The following TTN variants were observed in gnomAD, a reference collection of about 807,000 sequenced individuals.
TTN encodes connectin.
In TTN, 1,525 loss-of-function variants were observed where a neutral mutation model predicts 3,223.0. The ratio of observed to expected loss-of-function variants is 0.47; its 90% confidence interval spans 0.45 to 0.49. The LOEUF is 0.49. Among genes scored for constraint, TTN ranks in the 20% least tolerant of loss-of-function variants. TTN has a pLI of 0.00. For missense variants in TTN, 40,786 were observed against 43,424.0 expected (o/e 0.94, Z 5.40); for synonymous variants, 14,094 against 15,161.0 (o/e 0.93, Z 5.17).
Position 178,651,285 on chromosome 2 carries a change from T to C in TTN, c.39583A>G (p.Lys13195Glu), listed in dbSNP as rs1241773878. The C allele has an allele frequency of 6.2e-7, 1 of 1,613,252 alleles. No homozygotes were observed. Among genetic ancestry groups the C allele is most frequent in the East Asian group, 2.2e-5 (1 of 44,846 alleles). ...TCTGGCTTTTTGGGAACAGCTACTT[T>C]CTTTTCTGGAACAACTTCTTTTGGA... ...EVPKEVVPEK[K>E]VAVPKKPEVP... Residue 13195 changes from lysine to glutamate, a missense_variant, in exon 208 of 363, where the codon AAA becomes GAA. Coordinates refer to ENST00000589042, the MANE Select transcript of TTN (RefSeq NM_001267550.2).
chr2:178,591,569 A>G, intron 303 of TTN, 30 bp downstream of exon 303: 1 of 1,594,362 alleles, frequency 6.3e-7, no homozygotes, highest in Non-Finnish European at 8.5e-7. Flanking sequence ...TTAAAAAGAA[A>G]TAAGGTAATA....
Position 178,534,387 on chromosome 2 carries a change from C to T in TTN, c.102228G>A (p.Lys34076=). Reference sequence around the variant, plus strand: ...TAACTTTAGTACTGACTCTTTCTATCTTCTGCTTCAACCATGGGTGCTGGA... The same window carrying T: ...TAACTTTAGTACTGACTCTTTCTATTTTCTGCTTCAACCATGGGTGCTGGA... The part of the protein sequence containing the change: ...EALQHPWLKQ[K]IERVSTKVIR... The change falls in exon 358 of 363, where the codon AAG becomes AAA. Residue 34076 remains lysine, a synonymous_variant. Transcript: ENST00000589042. 1.9e-6 allele frequency: 3 copies of T among 1,610,674 alleles called. No homozygotes were observed. Among genetic ancestry groups the T allele is most frequent in the South Asian group, 1.1e-5 (1 of 91,080 alleles).
chr2:178,782,236 C>T lies in TTN; in HGVS notation c.3356G>A (p.Gly1119Asp). The change falls in exon 20 of 363, where the codon GGT becomes GAT. Residue 1119 changes from glycine (G) to aspartate (D), a missense_variant. Transcript: ENST00000589042. Reference sequence around the variant, plus strand: ...CCTGTATCCAGTGGTTAGAGGAACACCAGATTTTTTCCAGTATACATGGGG... The same window carrying T: ...CCTGTATCCAGTGGTTAGAGGAACATCAGATTTTTTCCAGTATACATGGGG... ...PKPHVYWKKS[G>D]VPLTTGYRYK... is the part of the protein sequence containing the mutation. 1 of 1,614,068 alleles carries T rather than the reference C, an allele frequency of 6.2e-7. No individual in the cohort carries two copies. Among genetic ancestry groups the T allele is most frequent in the Non-Finnish European group, 8.5e-7 (1 of 1,179,996 alleles).
chr2:178,574,725 C>A lies in TTN; in HGVS notation c.71407G>T (p.Ala23803Ser), dbSNP rs772111329. ...TGLEYQFRVKAQNRYGVGPGI... is the reference protein window; with the variant it reads ...TGLEYQFRVKSQNRYGVGPGI... ...GGTCCAACTCCATATCTATTCTGAG[C>A]TTTTACACGGAACTGATACTCTAAT... Residue 23803 changes from alanine (A) to serine (S), a missense_variant, in exon 326 of 363, where the codon GCT becomes TCT. Coordinates refer to ENST00000589042, the MANE Select transcript of TTN (RefSeq NM_001267550.2). The A allele has an allele frequency of 1.2e-6, 2 of 1,613,094 alleles. No homozygotes were observed. The highest frequency in any genetic ancestry group is 2.2e-5 in the East Asian group (1 of 44,780).
rs776256093 is a variant in TTN at position 178,566,586 on chromosome 2, C to T, written c.79546G>A (p.Gly26516Ser). The change falls in exon 326 of 363, where the codon GGC (glycine) becomes AGC (serine). Residue 26516 changes from glycine to serine, a missense_variant. Coordinates refer to ENST00000589042, the MANE Select transcript of TTN (RefSeq NM_001267550.2). ...ACTACATATCCCAAGATCTCACTGC[C>T]GCCATCATAGATGGGTTTACCCCAG... is the stretch of plus-strand genomic sequence containing the variant. Reference protein sequence around the residue: ...LAWGKPIYDGGSEILGYVVEI... With the variant: ...LAWGKPIYDGSSEILGYVVEI... 2.7e-5 allele frequency: 43 copies of T among 1,612,576 alleles called. No individual in the cohort carries two copies. In the Admixed American group the frequency reaches 3.8e-4, roughly 14 times the overall value.
chr2:178,692,881 G>GTTTT (rs776204878), intron 119 of TTN, among the ~76,000 whole-genome samples: 6 of 146,328 alleles, frequency 4.1e-5, no homozygotes, highest in Admixed American at 1.4e-4. Context: ...TATGAAGTTA[G>GTTTT]TTTTTTTTTT....
Position 178,559,733 on chromosome 2 carries a change from T to G in TTN, c.86399A>C (p.Tyr28800Ser). 2 of 1,599,580 alleles carry G rather than the reference T, an allele frequency of 1.3e-6. No individual in the cohort carries two copies. The highest frequency in any genetic ancestry group is 1.1e-5 in the South Asian group (1 of 88,458). Reference protein sequence around the residue: ...KPDTDLRTRAYVDTTDSRTSL... With the variant: ...KPDTDLRTRASVDTTDSRTSL... ...TGTACGAGAGTCTGTGGTATCAACATAAGCTCTAGTACGGAGGTCAGTGTC... is the reference window on the plus strand; with the variant it reads ...TGTACGAGAGTCTGTGGTATCAACAGAAGCTCTAGTACGGAGGTCAGTGTC... The change falls in exon 326 of 363, where the codon TAT becomes TCT. Residue 28800 changes from tyrosine to serine, a missense_variant. Coordinates refer to ENST00000589042, the MANE Select transcript of TTN (RefSeq NM_001267550.2).
intron 150 of TTN, 45 bp downstream of exon 150, chr2:178,674,994 G>T: frequency 8.2e-7 from 1 of 1,212,714 alleles, no homozygotes; most frequent in South Asian, 1.6e-5. Context: ...ACAATAATAA[G>T]ACAAGGATGA....
In TTN at chr2:178,792,021, G is replaced by A. The variant is rs1218106121; in HGVS notation, c.1662+51C>T. On this transcript the variant is annotated intron_variant, in intron 10 of 362. Coordinates refer to ENST00000589042, the MANE Select transcript of TTN (RefSeq NM_001267550.2). ...GACTATAAGCTACCTGCAGCTGGCTGTAATGTGATATTGTCAACAAACTAC... is the reference window on the plus strand; with the variant it reads ...GACTATAAGCTACCTGCAGCTGGCTATAATGTGATATTGTCAACAAACTAC... The A allele has an allele frequency of 8.2e-6, 13 of 1,592,616 alleles. No homozygotes were observed. In the South Asian group the frequency reaches 1.5e-4, roughly 18 times the overall value.
At chr2:178,556,465 A>C (rs1014733294) in intron 330 of TTN, 2 of 223,406 alleles carry the variant, frequency 9.0e-6, no homozygotes, top group Non-Finnish European at 1.7e-5. Flanking sequence ...CAAAAAAAAA[A>C]AAACCAAAAA....
chr2:178,632,185 G>C lies in TTN; in HGVS notation c.43709C>G (p.Ala14570Gly). The stretch of plus-strand genomic sequence containing the variant: ...TTTAGCTTCTGAACTCATCCCCATA[G>C]CTTCTACTCTAATTTGGGAGGTGTC... Reference protein sequence around the residue: ...IDDTSQIRVEAMGMSSEAKLT... With the variant: ...IDDTSQIRVEGMGMSSEAKLT... The change falls in exon 236 of 363, where the codon GCT becomes GGT. Residue 14570 changes from alanine to glycine, a missense_variant. Physicochemically the swap from Ala to Gly is moderately conservative, Grantham distance 60. Coordinates refer to ENST00000589042, the MANE Select transcript of TTN (RefSeq NM_001267550.2). 6.2e-7 allele frequency: 1 copy of C among 1,608,764 alleles called. No individual in the cohort carries two copies. Among genetic ancestry groups the C allele is most frequent in the Non-Finnish European group, 8.5e-7 (1 of 1,177,342 alleles).
rs756708089 is a variant in TTN, at chr2:178,714,434, A to C, written c.26340T>G (p.Ser8780Arg). 6.2e-7 allele frequency: 1 copy of C among 1,613,736 alleles called. No homozygotes were observed. Among genetic ancestry groups the C allele is most frequent in the Non-Finnish European group, 8.5e-7 (1 of 1,179,730 alleles). ...CTGAATAAGAAATCCATATGTTGTC[A>C]CTTTCTCTAACGATTTCTCCCTTAT... ...FKDKGEIVRE[S>R]DNIWISYSEN... The change falls in exon 91 of 363, where the codon AGT (serine) becomes AGG (arginine). Residue 8780 changes from serine to arginine, a missense_variant. Ser to Arg is a moderately radical substitution (Grantham distance 110). Transcript: ENST00000589042.
At chr2:178,603,000 G>A (rs2053855512) in intron 282 of TTN, among the ~76,000 whole-genome samples, 1 of 151,930 alleles carries the variant, frequency 6.6e-6, no homozygotes, top group Non-Finnish European at 1.5e-5. Context: ...GTAAACCTTT[G>A]AACACAAACT....
chr2:178,750,796 A>G, intron 47 of TTN: 1 of 1,613,174 alleles, frequency 6.2e-7, no homozygotes, highest in Non-Finnish European at 8.5e-7. Context: ...ACACATTTTC[A>G]GGAGTCTCAT....
intron 106 of TTN, 148 bp downstream of exon 106, chr2:178,703,999 T>G: frequency 2.0e-5 from 21 of 1,031,424 alleles, no homozygotes; most frequent in South Asian, 4.0e-5. Flanking sequence ...GTATGAACTT[T>G]GAGATGAATA....
Position 178,775,470 on chromosome 2 carries a change from T to G in TTN, c.6394A>C (p.Asn2132His). 1.2e-6 allele frequency: 2 copies of G among 1,613,998 alleles called. No individual in the cohort carries two copies. The highest frequency in any genetic ancestry group is 8.5e-7 in the Non-Finnish European group (1 of 1,179,978). The change falls in exon 28 of 363, where the codon AAT becomes CAT. Residue 2132 changes from asparagine to histidine, a missense_variant. Coordinates refer to ENST00000589042, the MANE Select transcript of TTN (RefSeq NM_001267550.2). ...DRIYWYWPED[N>H]VCELVIRDVT... ...TCTCTTATGACCAATTCACAAACATTGTCTTCGGGCCAGTACCAGTAGATC... is the reference window on the plus strand; with the variant it reads ...TCTCTTATGACCAATTCACAAACATGGTCTTCGGGCCAGTACCAGTAGATC...
rs763574979 is a variant in TTN at position 178,556,884 on chromosome 2, C to G, written c.88270G>C (p.Glu29424Gln). ...NAVGSISNPS[E>Q]VVGPITCIDS... is the part of the protein sequence containing the mutation. ...ATGCAAGTAATGGGCCCTACAACCT[C>G]AGATGGATTGCTAATGGAACCAACA... is the stretch of plus-strand genomic sequence containing the variant. The change falls in exon 330 of 363, where the codon GAG becomes CAG. Residue 29424 changes from glutamate to glutamine, a missense_variant. Physicochemically the swap from Glu to Gln is conservative, Grantham distance 29. Transcript: ENST00000589042. 6.2e-7 allele frequency: 1 copy of G among 1,613,816 alleles called. No individual in the cohort carries two copies. The highest frequency in any genetic ancestry group is 1.1e-5 in the South Asian group (1 of 91,078).
At chr2:178,707,910 G>T in intron 99 of TTN, 97 bp from the exon 100 acceptor site, 1 of 1,282,618 alleles carries the variant, frequency 7.8e-7, no homozygotes, top group Non-Finnish European at 1.1e-6. Flanking sequence ...GCCTCTAACA[G>T]GTAACACTGT....
At chr2:178,729,989 C>G in intron 62 of TTN, 44 bp from the exon 63 acceptor site, 1 of 1,598,668 alleles carries the variant, frequency 6.3e-7, no homozygotes, top group Non-Finnish European at 8.5e-7. Flanking sequence ...TTTTTAAAAA[C>G]AGGTCACTGG....
Sources: allele counts gnomAD v4.1 joint callset (sites outside exome capture counted in the v4.1 genomes callset), GRCh38; gene constraint gnomAD v4.1.1; transcripts MANE v1.5; gene names NCBI Gene and HGNC (gene_info 2026-07-23, HGNC 2026-07-21).